Variants in GALNTL6 observed in about 807,000 individuals in gnomAD.
GALNTL6 encodes the protein polypeptide N-acetylgalactosaminyltransferase like 6.
Under a neutral mutation model 73.7 loss-of-function variants are expected in GALNTL6, and 46 were observed. The ratio of observed to expected loss-of-function variants is 0.62; its 90% CI spans 0.49 to 0.80. GALNTL6 has a LOEUF of 0.80. Among genes scored for constraint, GALNTL6 ranks in the 30% least tolerant of loss-of-function variants. The pLI, the probability that GALNTL6 is intolerant of heterozygous loss-of-function variation, is 0.00. For missense variants in GALNTL6, 604 were observed against 755.0 expected, an observed-to-expected ratio of 0.80 and a Z score of 2.34; for synonymous variants, 259 against 263.7, an observed-to-expected ratio of 0.98 and a Z score of 0.17.
intron 2 of GALNTL6, among the ~76,000 whole-genome samples, chr4:171,902,550 A>T (rs1277039676): frequency 6.6e-6 from 1 of 152,222 alleles, no homozygotes; most frequent in African/African-American, 2.4e-5. Context: ...AGGACAGATG[A>T]TGTATGGAAA....
At chr4:172,424,088 G>GTATATA (rs139171197) in intron 5 of GALNTL6, among the ~76,000 whole-genome samples, 5 of 151,804 alleles carry the variant, frequency 3.3e-5, no homozygotes, top group African/African-American at 1.2e-4. Flanking sequence ...TATCATGAGT[G>GTATATA]TATATATATA....
At chr4:172,165,691 GA>G (rs911756720) in intron 2 of GALNTL6, among the ~76,000 whole-genome samples, 7 of 152,028 alleles carry the variant, frequency 4.6e-5, no homozygotes, top group African/African-American at 9.7e-5. Flanking sequence ...ATGTATAAAA[GA>G]AAAAAATTCA....
intron 5 of GALNTL6, among the ~76,000 whole-genome samples, chr4:172,492,145 A>AT (rs1221853076): frequency 1.3e-5 from 2 of 152,204 alleles, no homozygotes; most frequent in East Asian, 3.9e-4. Flanking sequence ...ATTGCGTATT[A>AT]TTTTTTCTTA....
At chr4:172,291,832 A>G (rs1739486865) in intron 3 of GALNTL6, among the ~76,000 whole-genome samples, 1 of 151,994 alleles carries the variant, frequency 6.6e-6, no homozygotes. Context: ...CCAAAATTAT[A>G]TTTTAATAAA....
rs1561038894 is a variant in GALNTL6 at position 172,348,422 on chromosome 4, CGT to C, written c.387-98_387-97del. The C allele has an allele frequency of 4.4e-6, 4 of 903,638 alleles. No homozygotes were observed. In the African/African-American group the frequency reaches 6.7e-5, roughly 15 times the overall value. The allele number at this position is 903,638 out of a possible 1,614,324, so 56.0% of individuals were successfully genotyped here. ...CTGGTTGGAAAGTATTAGACTAAGT[CGT>C]GTTTCCACAGTTGTCTGATAACATA... On this transcript the variant is annotated intron_variant, in intron 4 of 12. Coordinates refer to ENST00000506823, the MANE Select transcript of GALNTL6 (RefSeq NM_001034845.3).
At position 172,135,194 on chromosome 4, in the gene GALNTL6, A is replaced by G. The variant is rs191101474; in HGVS notation, c.139-94462A>G. 5.9e-5 allele frequency among the ~76,000 whole-genome samples: 9 copies of G among 152,280 alleles called. No individual in the cohort carries two copies. The East Asian group carries it at 1.5e-3, about 26-fold the overall frequency. ...TATAAGCTATACTTATAATTTTGAT[A>G]TATTAGTTTTTATTTTTAAACAACT... is the stretch of plus-strand genomic sequence containing the variant. On this transcript the variant is annotated intron_variant, in intron 2 of 12. Transcript: ENST00000506823.
At chr4:171,818,749 A>C (rs1734599046) in intron 2 of GALNTL6, among the ~76,000 whole-genome samples, 1 of 151,974 alleles carries the variant, frequency 6.6e-6, no homozygotes, top group African/African-American at 2.4e-5. Flanking sequence ...ATTGTGGGGT[A>C]ATGCATTGTT....
chr4:172,180,460 C>T (rs572088545), intron 2 of GALNTL6, among the ~76,000 whole-genome samples: 130 of 152,008 alleles, frequency 8.6e-4, no homozygotes, highest in Non-Finnish European at 1.7e-3. Context: ...TAATTCGATC[C>T]CATTTGTCAA....
intron 3 of GALNTL6, among the ~76,000 whole-genome samples, chr4:172,281,396 C>A (rs1388469693): frequency 6.6e-6 from 1 of 152,012 alleles, no homozygotes. Flanking sequence ...TCCTATTTCT[C>A]TTATAAAAGA....
intron 5 of GALNTL6, among the ~76,000 whole-genome samples, chr4:172,781,752 T>C (rs1009032505): frequency 5.9e-5 from 9 of 152,162 alleles, no homozygotes; most frequent in Admixed American, 1.3e-4. Flanking sequence ...CTAGCAACAG[T>C]GATTGCCTTT....
At chr4:172,591,416 A>AATT (rs35637606) in intron 5 of GALNTL6, among the ~76,000 whole-genome samples, 79,728 of 151,706 alleles carry the variant, frequency 0.53, 21,738 homozygotes, top group East Asian at 0.79. Flanking sequence ...TGAAACGCAT[A>AATT]ATTAGTATTT....
intron 2 of GALNTL6, among the ~76,000 whole-genome samples, chr4:172,227,093 T>G (rs1736893366): frequency 6.6e-6 from 1 of 152,170 alleles, no homozygotes. Context: ...ATGAGTGAAG[T>G]CGTGAAAATA....
In GALNTL6 at chr4:173,039,367, G is replaced by A. The variant is rs187249135; in HGVS notation, c.1639-566G>A. Reference sequence around the variant, plus strand: ...TGTCCCAAACTCATATTCATCTTCTGAAAAGGGCAGCTGAGAACCCGGCAC... The same window carrying A: ...TGTCCCAAACTCATATTCATCTTCTAAAAAGGGCAGCTGAGAACCCGGCAC... On this transcript the variant is annotated intron_variant, in intron 12 of 12. Coordinates refer to ENST00000506823, the MANE Select transcript of GALNTL6 (RefSeq NM_001034845.3). 1.5e-3 allele frequency among the ~76,000 whole-genome samples: 234 copies of A among 151,890 alleles called. 1 individual carries two copies. Among genetic ancestry groups the A allele is most frequent in the East Asian group, 0.011 (57 of 5,120 alleles).
intron 7 of GALNTL6, among the ~76,000 whole-genome samples, chr4:172,860,053 A>C (rs1429542668): frequency 6.6e-6 from 1 of 152,138 alleles, no homozygotes; most frequent in African/African-American, 2.4e-5. Context: ...AATCATCCCC[A>C]TACCCCCTTG....
At chr4:172,487,864 T>C (rs1733755188) in intron 5 of GALNTL6, among the ~76,000 whole-genome samples, 1 of 152,166 alleles carries the variant, frequency 6.6e-6, no homozygotes, top group South Asian at 2.1e-4. Context: ...CCCTACATGA[T>C]CATAAGTTCC....
At chr4:172,435,941 C>G (rs186260513) in intron 5 of GALNTL6, among the ~76,000 whole-genome samples, 2 of 152,110 alleles carry the variant, frequency 1.3e-5, no homozygotes, top group Non-Finnish European at 2.9e-5. Context: ...ATTATCCTTC[C>G]ATCCTTTCAC....
intron 5 of GALNTL6, among the ~76,000 whole-genome samples, chr4:172,697,143 C>A (rs1437832): frequency 0.43 from 64,599 of 151,774 alleles, 15,925 homozygotes; most frequent in East Asian, 0.68. Context: ...TTTCCAAATG[C>A]CTTTTTTACA....
chr4:172,442,767 A>G (rs76738899), intron 5 of GALNTL6, among the ~76,000 whole-genome samples: 1 of 152,190 alleles, frequency 6.6e-6, no homozygotes, highest in Non-Finnish European at 1.5e-5. Context: ...TGCAAATATC[A>G]GTATGATGTG....
chr4:171,818,497 A>G (rs1734586152), intron 2 of GALNTL6, among the ~76,000 whole-genome samples: 1 of 116,308 alleles, frequency 8.6e-6, no homozygotes. Context: ...GAGGGCCAAA[A>G]TCTTAGAATT....
Sources: gnomAD v4.1 joint callset for allele counts (sites outside exome capture counted in the v4.1 genomes callset) on GRCh38, gnomAD v4.1.1 for gene constraint, MANE v1.5 for transcripts, NCBI Gene and HGNC (gene_info 2026-07-23, HGNC 2026-07-21) for gene names.